The following MAGI2 variants were observed in gnomAD, a reference collection of about 807,000 sequenced individuals.
MAGI2 encodes membrane-associated guanylate kinase, WW and PDZ domain-containing protein 2.
A neutral mutation model predicts 133.3 loss-of-function variants in MAGI2; 35 were observed. The observed-to-expected ratio is 0.26, with a 90% CI of 0.20 to 0.35. The LOEUF (loss-of-function observed/expected upper bound fraction) is 0.35. Among genes scored for constraint, MAGI2 ranks in the 10% least tolerant of loss-of-function variants. The probability of loss-of-function intolerance (pLI) is 1.00; values close to 1 mark genes in which losing one functional copy is unlikely to be tolerated. For synonymous variants in MAGI2, 729 were observed against 710.6 expected (o/e 1.03, Z -0.41); for missense variants, 1,636 against 1,863.4 (o/e 0.88, Z 2.25).
At chr7:78,670,639 G>A (rs1814261568) in intron 2 of MAGI2, among the ~76,000 whole-genome samples, 1 of 152,112 alleles carries the variant, frequency 6.6e-6, no homozygotes, top group African/African-American at 2.4e-5. Flanking sequence ...AAAGAACAAA[G>A]CCGGAGGCAT....
chr7:79,015,903 G>C (rs1444960289), intron 1 of MAGI2, among the ~76,000 whole-genome samples: 2 of 150,884 alleles, frequency 1.3e-5, no homozygotes, highest in Admixed American at 1.3e-4. Flanking sequence ...ATTGAAAATG[G>C]AGAGAGGGAA....
chr7:78,063,556 T>A (rs1813505685), intron 21 of MAGI2, among the ~76,000 whole-genome samples: 1 of 152,218 alleles, frequency 6.6e-6, no homozygotes, highest in South Asian at 2.1e-4. Flanking sequence ...GGCTATTTTT[T>A]AAAGGGCTCC....
At chr7:78,759,204 A>G (rs927546753) in intron 2 of MAGI2, among the ~76,000 whole-genome samples, 3 of 152,224 alleles carry the variant, frequency 2.0e-5, no homozygotes, top group Admixed American at 6.5e-5. Flanking sequence ...CAAGTCTACC[A>G]GAGTCAGAAA....
Position 78,538,469 on chromosome 7 carries a change from G to A in MAGI2, c.539-16824C>T, listed in dbSNP as rs557812405. Among the ~76,000 whole-genome samples, 4 of 152,290 alleles carry A rather than the reference G, an allele frequency of 2.6e-5. No individual in the cohort carries two copies. The East Asian group carries it at 5.8e-4, about 22-fold the overall frequency. ...CTACCCATCAATGAGCATGAGATGTGTCTCCATTCATTTGTGTTGTCCATG... is the reference window on the plus strand; with the variant it reads ...CTACCCATCAATGAGCATGAGATGTATCTCCATTCATTTGTGTTGTCCATG... On this transcript the variant is annotated intron_variant, in intron 3 of 21. Coordinates refer to ENST00000354212, the MANE Select transcript of MAGI2 (RefSeq NM_012301.4).
intron 7 of MAGI2, among the ~76,000 whole-genome samples, chr7:78,362,110 T>C (rs1792880497): frequency 6.6e-6 from 1 of 152,132 alleles, no homozygotes; most frequent in Non-Finnish European, 1.5e-5. Flanking sequence ...GAGACCAGCC[T>C]GGACAACATG....
chr7:79,049,234 T>C (rs189209001), intron 1 of MAGI2, among the ~76,000 whole-genome samples: 1 of 152,350 alleles, frequency 6.6e-6, no homozygotes, highest in Admixed American at 6.5e-5. Context: ...AATTGTGTAT[T>C]GTGTCAAATA....
chr7:79,262,502 C>T (rs1834158890), intron 1 of MAGI2, among the ~76,000 whole-genome samples: 1 of 152,234 alleles, frequency 6.6e-6, no homozygotes, highest in African/African-American at 2.4e-5. Context: ...TATTTTTGAG[C>T]TAATAAGGAC....
chr7:79,211,683 A>G (rs1829509553), intron 1 of MAGI2, among the ~76,000 whole-genome samples: 1 of 151,866 alleles, frequency 6.6e-6, no homozygotes, highest in Non-Finnish European at 1.5e-5. Context: ...ATTTTTTCCC[A>G]AGATTACTGC....
At chr7:79,214,695 A>G (rs1376163815) in intron 1 of MAGI2, among the ~76,000 whole-genome samples, 1 of 139,538 alleles carries the variant, frequency 7.2e-6, no homozygotes, top group African/African-American at 2.6e-5. Context: ...ATATATATTT[A>G]TACATAAATA....
Position 79,249,761 on chromosome 7 carries a change from A to T in MAGI2, c.301+203259T>A, listed in dbSNP as rs141416657. ...CCAATCCTATTCAAACTATCCTGAA[A>T]CAGATAGGAAGAGGGAATACTTCCA... On this transcript the variant is annotated intron_variant, in intron 1 of 21. Transcript: ENST00000354212. Among the ~76,000 whole-genome samples, 342 of 152,316 alleles carry T rather than the reference A, an allele frequency of 2.2e-3. 1 individual carries two copies. The highest frequency in any genetic ancestry group is 7.9e-3 in the African/African-American group (329 of 41,578).
intron 1 of MAGI2, among the ~76,000 whole-genome samples, chr7:79,113,811 TACACAC>T (rs3047688): frequency 9.4e-5 from 14 of 148,874 alleles, no homozygotes; most frequent in South Asian, 2.1e-4. Context: ...TACACACGCT[TACACAC>T]ACACACACAC....
chr7:78,576,428 C>T (rs1802272172), intron 3 of MAGI2, among the ~76,000 whole-genome samples: 1 of 152,194 alleles, frequency 6.6e-6, no homozygotes, highest in Non-Finnish European at 1.5e-5. Context: ...TCTGGCCCTC[C>T]TGTCTGTCAT....
intron 20 of MAGI2, among the ~76,000 whole-genome samples, chr7:78,080,378 C>T (rs549656170): frequency 7.9e-5 from 12 of 152,278 alleles, no homozygotes; most frequent in South Asian, 4.1e-4. Flanking sequence ...ACCAAGAAGA[C>T]GGAACTAACT....
chr7:79,091,264 G>A (rs1212008259), intron 1 of MAGI2, among the ~76,000 whole-genome samples: 4 of 151,976 alleles, frequency 2.6e-5, no homozygotes, highest in Non-Finnish European at 5.9e-5. Context: ...CCAACAGAAA[G>A]AATAAAGCAG....
chr7:78,446,427 T>C (rs1446266452), intron 6 of MAGI2, among the ~76,000 whole-genome samples: 5 of 152,090 alleles, frequency 3.3e-5, no homozygotes, highest in African/African-American at 1.2e-4. Flanking sequence ...AACAGAAGGA[T>C]CTGAACTGAT....
At chr7:78,763,661 T>C (rs1319609141) in intron 2 of MAGI2, among the ~76,000 whole-genome samples, 1 of 152,180 alleles carries the variant, frequency 6.6e-6, no homozygotes, top group Non-Finnish European at 1.5e-5. Flanking sequence ...CCCCGCTCTT[T>C]AGACAGACAT....
chr7:78,692,382 G>T (rs796287184), intron 2 of MAGI2, among the ~76,000 whole-genome samples: 1 of 152,086 alleles, frequency 6.6e-6, no homozygotes, highest in African/African-American at 2.4e-5. Context: ...ATACCTTAGG[G>T]AGCATCCTCA....
chr7:79,395,169 G>T (rs944223911), intron 1 of MAGI2, among the ~76,000 whole-genome samples: 10 of 152,126 alleles, frequency 6.6e-5, no homozygotes, highest in Non-Finnish European at 1.5e-4. Flanking sequence ...AGGCCAATTA[G>T]AAAAGATCAT....
At chr7:78,763,828 C>G (rs1045483168) in intron 2 of MAGI2, among the ~76,000 whole-genome samples, 5 of 152,170 alleles carry the variant, frequency 3.3e-5, no homozygotes, top group African/African-American at 1.2e-4. Context: ...TATCTAGAAA[C>G]CTAGTTATAG....
Sources: allele counts gnomAD v4.1 joint callset (sites outside exome capture counted in the v4.1 genomes callset), GRCh38; gene constraint gnomAD v4.1.1; transcripts MANE v1.5; gene names NCBI Gene and HGNC (gene_info 2026-07-23, HGNC 2026-07-21).